TTC1: variants seen among roughly 807,000 people sequenced by gnomAD.
The protein encoded by TTC1 is tetratricopeptide repeat domain 1, also known as tetratricopeptide repeat protein 1.
In TTC1, 31 loss-of-function variants were observed where a neutral mutation model predicts 37.6. The ratio of observed to expected loss-of-function variants is 0.82; its 90% CI spans 0.62 to 1.11. The LOEUF (loss-of-function observed/expected upper bound fraction) is 1.11, where lower values mean the gene tolerates loss of function less well. TTC1 is among the 50% of genes most tolerant of loss of function. TTC1 has a pLI of 0.00. For synonymous variants in TTC1, 127 were observed against 122.4 expected (o/e 1.04, Z -0.25); for missense variants, 351 against 339.0 (o/e 1.04, Z -0.28).
intron 2 of TTC1, among the ~76,000 whole-genome samples, chr5:160,020,974 G>A (rs942946234): frequency 6.6e-6 from 1 of 152,208 alleles, no homozygotes; most frequent in African/African-American, 2.4e-5. Flanking sequence ...GCCAAAAAGG[G>A]TAGGGACCGC....
At chr5:160,024,440 T>C (rs1222499250) in intron 2 of TTC1, among the ~76,000 whole-genome samples, 1 of 152,208 alleles carries the variant, frequency 6.6e-6, no homozygotes, top group Admixed American at 6.5e-5. Flanking sequence ...AACATCATCT[T>C]TTCTGTTCCA....
At position 160,065,415 on chromosome 5, in the gene TTC1, T is replaced by C. The variant is rs754058171; in HGVS notation, c.*350T>C. 2.1e-6 allele frequency: 1 copy of C among 474,076 alleles called. No individual in the cohort carries two copies. The highest frequency in any genetic ancestry group is 4.2e-6 in the Non-Finnish European group (1 of 239,382). 29.4% of individuals were successfully genotyped at this position (474,076 alleles called of 1,614,324 possible). On this transcript the variant is annotated 3_prime_UTR_variant, in exon 8 of 8. Transcript: ENST00000231238. Reference sequence around the variant, plus strand: ...CTCCTGAACCAAACAAACCTGTTGGTTGGGAGACTGCCCAGACATGATTGA... The same window carrying C: ...CTCCTGAACCAAACAAACCTGTTGGCTGGGAGACTGCCCAGACATGATTGA...
At chr5:160,059,553 C>G (rs541244294) in intron 7 of TTC1, among the ~76,000 whole-genome samples, 5 of 152,148 alleles carry the variant, frequency 3.3e-5, no homozygotes, top group Admixed American at 2.0e-4. Flanking sequence ...TCTGGCTCTT[C>G]CCTTTACTTG....
chr5:160,024,196 C>T (rs1406411578), intron 2 of TTC1, among the ~76,000 whole-genome samples: 1 of 152,212 alleles, frequency 6.6e-6, no homozygotes, highest in Non-Finnish European at 1.5e-5. Flanking sequence ...AATGTCCTTA[C>T]TGGAGACTAT....
intron 7 of TTC1, among the ~76,000 whole-genome samples, chr5:160,056,895 A>G (rs1316308066): frequency 1.3e-5 from 2 of 152,154 alleles, no homozygotes; most frequent in Admixed American, 1.3e-4. Flanking sequence ...CAGCTTCCTC[A>G]CTGAGGCTTA....
chr5:160,017,448 A>T (rs371434122), intron 2 of TTC1, among the ~76,000 whole-genome samples: 1 of 152,170 alleles, frequency 6.6e-6, no homozygotes, highest in African/African-American at 2.4e-5. Flanking sequence ...TAATCCATTC[A>T]TGAGGTTGGA....
intron 2 of TTC1, among the ~76,000 whole-genome samples, chr5:160,017,477 C>T (rs1756627553): frequency 6.6e-6 from 1 of 152,152 alleles, no homozygotes; most frequent in African/African-American, 2.4e-5. Flanking sequence ...GACTTAATCA[C>T]ATCCCAAAAG....
intron 2 of TTC1, among the ~76,000 whole-genome samples, chr5:160,029,953 T>C (rs1470905063): frequency 6.6e-6 from 1 of 152,222 alleles, no homozygotes; most frequent in African/African-American, 2.4e-5. Context: ...CAGGAGCCTC[T>C]TCTGCCCAGG....
chr5:160,046,200 T>C (rs1757240768), intron 5 of TTC1, among the ~76,000 whole-genome samples: 1 of 152,234 alleles, frequency 6.6e-6, no homozygotes, highest in African/African-American at 2.4e-5. Context: ...CCATGGAGCA[T>C]TTGTTTTATC....
At chr5:160,044,346 TAAAG>T (rs1185374089) in intron 5 of TTC1, among the ~76,000 whole-genome samples, 1 of 152,038 alleles carries the variant, frequency 6.6e-6, no homozygotes, top group Non-Finnish European at 1.5e-5. Context: ...ATTAGAGAAA[TAAAG>T]AAACAAAAGA....
intron 2 of TTC1, among the ~76,000 whole-genome samples, chr5:160,013,733 A>G (rs1299764298): frequency 1.4e-5 from 2 of 144,060 alleles, no homozygotes; most frequent in Middle Eastern, 3.5e-3. Context: ...ACAGAGCAAG[A>G]CTCTGTCTCA....
chr5:160,010,940 C>A (rs1756492039), intron 2 of TTC1, 82 bp downstream of exon 2: 23 of 1,264,956 alleles, frequency 1.8e-5, no homozygotes, highest in Non-Finnish European at 2.4e-5. Context: ...TAGACCACCT[C>A]ATCTGTGGTA....
Position 160,049,561 on chromosome 5 carries a change from G to A in TTC1, c.589G>A (p.Glu197Lys). The A allele has an allele frequency of 6.2e-7, 1 of 1,610,142 alleles. No individual in the cohort carries two copies. The highest frequency in any genetic ancestry group is 8.5e-7 in the Non-Finnish European group (1 of 1,178,558). ...TATCAGGGCAATATTGAGGAGAGCA[G>A]AGTTGTATGAGAAGACGGACAAGCT... Reference protein sequence around the residue: ...SYIRAILRRAELYEKTDKLDE... With the variant: ...SYIRAILRRAKLYEKTDKLDE... The change falls in exon 6 of 8, where the codon GAG (glutamate) becomes AAG (lysine). Residue 197 changes from glutamate (E) to lysine (K), a missense_variant. Glu to Lys is a moderately conservative substitution (Grantham distance 56). Coordinates refer to ENST00000231238, the MANE Select transcript of TTC1 (RefSeq NM_003314.3).
intron 5 of TTC1, among the ~76,000 whole-genome samples, chr5:160,044,521 A>T (rs1236989681): frequency 6.6e-6 from 1 of 152,224 alleles, no homozygotes; most frequent in Non-Finnish European, 1.5e-5. Context: ...TTTTTAGAAT[A>T]TATAGGGTAA....
At chr5:160,023,692 G>C (rs1756752677) in intron 2 of TTC1, 1 of 1,506,696 alleles carries the variant, frequency 6.6e-7, no homozygotes, top group African/African-American at 1.4e-5. Context: ...GTGTGCACAA[G>C]GCATGTCACA....
At chr5:160,023,499 C>A (rs1756749077) in intron 2 of TTC1, among the ~76,000 whole-genome samples, 1 of 152,034 alleles carries the variant, frequency 6.6e-6, no homozygotes, top group Non-Finnish European at 1.5e-5. Flanking sequence ...TGCTGTGTTG[C>A]CCAGGCTGAA....
intron 5 of TTC1, among the ~76,000 whole-genome samples, chr5:160,047,966 G>A (rs1290581697): frequency 6.6e-6 from 1 of 151,996 alleles, no homozygotes; most frequent in Non-Finnish European, 1.5e-5. Context: ...AAGGCTTCAT[G>A]AGAACAAGGA....
At position 160,010,749 on chromosome 5, in the gene TTC1, C is replaced by G; in HGVS notation, c.221C>G (p.Pro74Arg). 1.2e-6 allele frequency: 2 copies of G among 1,614,036 alleles called. No individual in the cohort carries two copies. The highest frequency in any genetic ancestry group is 1.3e-5 in the African/African-American group (1 of 75,006). Residue 74 changes from proline to arginine, a missense_variant, in exon 2 of 8, where the codon CCA becomes CGA. Pro to Arg is a moderately radical substitution (Grantham distance 103). Transcript: ENST00000231238. ...TGCAGTGCCTCATTTGAGGAGGAGC[C>G]AGGAGCGGACAAGGTTGAGAACAAA... The part of the protein sequence containing the change: ...HDCSASFEEE[P>R]GADKVENKSN...
intron 1 of TTC1, 65 bp from the exon 2 acceptor site, chr5:160,010,433 GGT>G (rs1756479023): frequency 9.2e-7 from 1 of 1,082,838 alleles, no homozygotes; most frequent in East Asian, 2.4e-5. Flanking sequence ...GGTTTGTTTA[GGT>G]TTGAAACAGA....
Sources: gnomAD v4.1 joint callset for allele counts (sites outside exome capture counted in the v4.1 genomes callset) on GRCh38, gnomAD v4.1.1 for gene constraint, MANE v1.5 for transcripts, NCBI Gene and HGNC (gene_info 2026-07-23, HGNC 2026-07-21) for gene names.